CSMD1: variants seen among roughly 807,000 people sequenced by gnomAD.
CSMD1 encodes CUB and sushi domain-containing protein 1.
CSMD1 carries 213 observed loss-of-function variants against 417.5 expected under a neutral mutation model. That is an observed-to-expected ratio of 0.51 (90% CI 0.46 to 0.57). The LOEUF is 0.57. Among genes scored for constraint, CSMD1 ranks in the 20% least tolerant of loss-of-function variants. CSMD1 has a pLI of 0.00. For missense variants in CSMD1, 6,923 were observed against 4,529.7 expected (o/e 1.53, Z -15.17); for synonymous variants, 2,862 against 1,736.8 (o/e 1.65, Z -16.11).
At chr8:4,067,854 G>A (rs1053195248) in intron 3 of CSMD1, among the ~76,000 whole-genome samples, 2 of 152,048 alleles carry the variant, frequency 1.3e-5, no homozygotes, top group African/African-American at 2.4e-5. Context: ...CGAGGTGGGC[G>A]GATCATGAGG....
intron 3 of CSMD1, among the ~76,000 whole-genome samples, chr8:4,154,815 A>C (rs1282673837): frequency 2.0e-5 from 3 of 152,096 alleles, no homozygotes; most frequent in Non-Finnish European, 4.4e-5. Flanking sequence ...TGTTGGAAAG[A>C]GAGGCACGAT....
intron 1 of CSMD1, among the ~76,000 whole-genome samples, chr8:4,836,201 T>G (rs1442520420): frequency 6.6e-6 from 1 of 152,242 alleles, no homozygotes; most frequent in Non-Finnish European, 1.5e-5. Flanking sequence ...ATTCAGGCAT[T>G]CATCTACCTT....
rs187163162 is a variant in CSMD1 at position 3,744,678 on chromosome 8, C to A, written c.931+9252G>T. 9.9e-4 allele frequency among the ~76,000 whole-genome samples: 151 copies of A among 152,230 alleles called. 2 individuals are homozygous for A. Among genetic ancestry groups the A allele is most frequent in the African/African-American group, 3.6e-3 (149 of 41,548 alleles). On this transcript the variant is annotated intron_variant, in intron 6 of 69. Transcript: ENST00000635120. The stretch of plus-strand genomic sequence containing the variant: ...GCTATTTACAAGCGATGCCTACAGA[C>A]AGGTAGCAAATAAACATGAAACGTT...
At chr8:4,361,772 G>C (rs545653346) in intron 3 of CSMD1, among the ~76,000 whole-genome samples, 1 of 152,164 alleles carries the variant, frequency 6.6e-6, no homozygotes, top group South Asian at 2.1e-4. Flanking sequence ...TGGCTAACAC[G>C]GTGAAACCCC....
intron 24 of CSMD1, among the ~76,000 whole-genome samples, chr8:3,308,029 G>C (rs543663296): frequency 6.6e-5 from 10 of 152,072 alleles, no homozygotes; most frequent in African/African-American, 2.2e-4. Flanking sequence ...TTAAAGTTGA[G>C]AGCATAAAGC....
intron 7 of CSMD1, among the ~76,000 whole-genome samples, chr8:3,690,230 G>T (rs1175424245): frequency 1.3e-5 from 2 of 152,106 alleles, no homozygotes; most frequent in African/African-American, 4.8e-5. Flanking sequence ...ATGGTGGTGT[G>T]CACCTGTAAT....
chr8:4,142,052 T>A (rs1231780924), intron 3 of CSMD1, among the ~76,000 whole-genome samples: 1 of 136,302 alleles, frequency 7.3e-6, no homozygotes, highest in East Asian at 2.0e-4. Flanking sequence ...AATGTTTGAA[T>A]ATATAAGTTG....
intron 7 of CSMD1, among the ~76,000 whole-genome samples, chr8:3,667,574 G>GACAACAT (rs1441834896): frequency 2.6e-5 from 4 of 152,146 alleles, no homozygotes; most frequent in African/African-American, 9.7e-5. Flanking sequence ...AGTCCTTGGA[G>GACAACAT]ACAACATAAA....
At chr8:4,348,710 A>G (rs533397338) in intron 3 of CSMD1, among the ~76,000 whole-genome samples, 1 of 152,148 alleles carries the variant, frequency 6.6e-6, no homozygotes, top group Admixed American at 6.5e-5. Flanking sequence ...ATTTTATACC[A>G]GGAGAATTTG....
chr8:4,621,872 A>T (rs1347841007), intron 2 of CSMD1, among the ~76,000 whole-genome samples: 12 of 152,130 alleles, frequency 7.9e-5, no homozygotes, highest in Non-Finnish European at 2.9e-5. Context: ...AGTTGGATTA[A>T]AATTTCACAA....
chr8:4,451,957 TA>T (rs1799172683), intron 2 of CSMD1, among the ~76,000 whole-genome samples: 2 of 148,700 alleles, frequency 1.3e-5, no homozygotes, highest in Admixed American at 1.3e-4. Context: ...ATATAATATA[TA>T]AATATATATA....
Position 3,756,240 on chromosome 8 carries a change from C to A in CSMD1, c.819-2198G>T, listed in dbSNP as rs1402096171. The stretch of plus-strand genomic sequence containing the variant: ...TGGTGGCGGGCGCCTGTAGTCCCAG[C>A]TACTCGGGAGGCTGAGGCAGGAGAA... On this transcript the variant is annotated intron_variant, in intron 5 of 69. Transcript: ENST00000635120. 2.0e-5 allele frequency among the ~76,000 whole-genome samples: 3 copies of A among 151,772 alleles called. No individual in the cohort carries two copies. The South Asian group carries it at 6.3e-4, about 32-fold the overall frequency.
intron 5 of CSMD1, among the ~76,000 whole-genome samples, chr8:3,835,387 C>T (rs1265626857): frequency 2.0e-5 from 3 of 151,806 alleles, no homozygotes; most frequent in African/African-American, 7.3e-5. Flanking sequence ...ACTACGCAGC[C>T]ATAAAAAATG....
chr8:3,624,154 T>G (rs1467515332), intron 7 of CSMD1, among the ~76,000 whole-genome samples: 2 of 152,178 alleles, frequency 1.3e-5, no homozygotes, highest in Non-Finnish European at 2.9e-5. Context: ...AAAAATACAC[T>G]GAGCATCCAA....
At chr8:4,120,613 G>T (rs928319945) in intron 3 of CSMD1, among the ~76,000 whole-genome samples, 2 of 152,160 alleles carry the variant, frequency 1.3e-5, no homozygotes, top group African/African-American at 4.8e-5. Flanking sequence ...GTGCCAAATA[G>T]ACAGTCTGTG....
At chr8:3,782,243 T>C (rs1333843423) in intron 5 of CSMD1, among the ~76,000 whole-genome samples, 3 of 152,172 alleles carry the variant, frequency 2.0e-5, no homozygotes, top group African/African-American at 4.8e-5. Context: ...CACCAGGATG[T>C]TAGTTTTGTG....
intron 3 of CSMD1, among the ~76,000 whole-genome samples, chr8:4,339,474 G>A (rs1343861694): frequency 6.6e-6 from 1 of 152,080 alleles, no homozygotes; most frequent in Admixed American, 6.6e-5. Context: ...CGCGAAATGA[G>A]ATACTGGAGC....
At chr8:3,541,549 T>C (rs571792813) in intron 10 of CSMD1, among the ~76,000 whole-genome samples, 1 of 147,726 alleles carries the variant, frequency 6.8e-6, no homozygotes, top group East Asian at 2.0e-4. Flanking sequence ...TAAAAAAATA[T>C]GAGAATAAAT....
At chr8:4,190,804 T>G (rs1333612481) in intron 3 of CSMD1, among the ~76,000 whole-genome samples, 1 of 152,124 alleles carries the variant, frequency 6.6e-6, no homozygotes, top group Admixed American at 6.5e-5. Flanking sequence ...TGCAGGGACA[T>G]GGATGGAGCT....
Sources: allele counts gnomAD v4.1 joint callset (sites outside exome capture counted in the v4.1 genomes callset), GRCh38; gene constraint gnomAD v4.1.1; transcripts MANE v1.5; gene names NCBI Gene and HGNC (gene_info 2026-07-23, HGNC 2026-07-21).